Variants in RBBP8 observed in about 807,000 individuals in gnomAD.
RBBP8 encodes the protein RB binding protein 8, endonuclease.
A neutral mutation model predicts 108.3 loss-of-function variants in RBBP8; 88 were observed. The ratio of observed to expected loss-of-function variants is 0.81; its 90% CI spans 0.68 to 0.97. The LOEUF (loss-of-function observed/expected upper bound fraction) is 0.97, where lower values mean the gene tolerates loss of function less well. Among genes scored for constraint, RBBP8 ranks in the 50% least tolerant of loss-of-function variants. RBBP8 has a pLI of 0.00. For missense variants in RBBP8, 1,023 were observed against 1,049.0 expected (o/e 0.98, Z 0.34); for synonymous variants, 332 against 348.2 (o/e 0.95, Z 0.52).
At chr18:23,006,518 T>A in intron 16 of RBBP8, 86 bp downstream of exon 16, 1 of 1,191,148 alleles carries the variant, frequency 8.4e-7, no homozygotes, top group Non-Finnish European at 1.2e-6. Context: ...TCTTTTTTTT[T>A]AAAGACAGAG....
chr18:23,002,646 T>G (rs1206765448), intron 15 of RBBP8, among the ~76,000 whole-genome samples: 2 of 106,000 alleles, frequency 1.9e-5, no homozygotes, highest in African/African-American at 8.1e-5. Flanking sequence ...AATCTCTCAT[T>G]TTTCTCCTTG....
At chr18:22,953,958 C>T (rs561121163) in intron 4 of RBBP8, among the ~76,000 whole-genome samples, 18 of 152,052 alleles carry the variant, frequency 1.2e-4, no homozygotes, top group Admixed American at 5.9e-4. Context: ...GGGATAAGCC[C>T]CTTATAAAAC....
chr18:23,023,260 G>T (rs1255776408), intron 18 of RBBP8, among the ~76,000 whole-genome samples: 1 of 152,066 alleles, frequency 6.6e-6, no homozygotes, highest in Non-Finnish European at 1.5e-5. Flanking sequence ...TATTTAAAAA[G>T]AGAGAATCTT....
chr18:22,969,872 G>T (rs1220828649), intron 5 of RBBP8, among the ~76,000 whole-genome samples: 1 of 152,104 alleles, frequency 6.6e-6, no homozygotes, highest in African/African-American at 2.4e-5. Flanking sequence ...GTGTATATGG[G>T]TGAACGTGTG....
At chr18:22,968,985 A>G (rs1913864218) in intron 5 of RBBP8, 67 bp downstream of exon 5, 2 of 1,184,732 alleles carry the variant, frequency 1.7e-6, no homozygotes, top group Non-Finnish European at 2.4e-6. Context: ...CTATTAGTAA[A>G]TTGGTTGTAA....
At chr18:22,945,012 A>T (rs1911431808) in intron 2 of RBBP8, among the ~76,000 whole-genome samples, 1 of 152,232 alleles carries the variant, frequency 6.6e-6, no homozygotes, top group Non-Finnish European at 1.5e-5. Flanking sequence ...TTCTATACAC[A>T]TATATGAAAA....
chr18:22,936,790 T>C lies in RBBP8; in HGVS notation c.-62T>C. On this transcript the variant is annotated 5_prime_UTR_variant, in exon 2 of 19. Transcript: ENST00000327155. ...GTCCAAAGACGACTTGATACCTCTA[T>C]AATGTAACAGAAAAGGTCAGAAAAT... 5.6e-6 allele frequency: 9 copies of C among 1,599,640 alleles called. No individual in the cohort carries two copies. The highest frequency in any genetic ancestry group is 6.8e-6 in the Non-Finnish European group (8 of 1,168,086).
At chr18:22,971,901 T>A (rs1034920360) in intron 5 of RBBP8, among the ~76,000 whole-genome samples, 1 of 150,958 alleles carries the variant, frequency 6.6e-6, no homozygotes, top group Non-Finnish European at 1.5e-5. Context: ...CACCTCGGCC[T>A]CCCAAAGTGC....
intron 6 of RBBP8, among the ~76,000 whole-genome samples, chr18:22,981,130 C>A (rs1914900646): frequency 1.3e-5 from 2 of 151,740 alleles, no homozygotes; most frequent in Non-Finnish European, 2.9e-5. Flanking sequence ...GCCACCACAC[C>A]CAGCTAATTT....
chr18:22,921,133 G>T (rs1298552276), intron 3 of RBBP8, among the ~76,000 whole-genome samples: 1 of 152,166 alleles, frequency 6.6e-6, no homozygotes, highest in South Asian at 2.1e-4. Context: ...GTAAGAGCCT[G>T]AGACCTCTGG....
chr18:22,932,486 C>T (rs1910100466), upstream of RBBP8, among the ~76,000 whole-genome samples: 1 of 152,144 alleles, frequency 6.6e-6, no homozygotes, highest in Non-Finnish European at 1.5e-5. Context: ...TTATTCATCC[C>T]TTAAGATGTG....
upstream of RBBP8, among the ~76,000 whole-genome samples, chr18:22,929,940 A>T (rs1909960040): frequency 6.6e-6 from 1 of 152,134 alleles, no homozygotes; most frequent in Admixed American, 6.5e-5. Flanking sequence ...GAAGTTTGAA[A>T]CCATATGACT....
chr18:22,945,383 A>G (rs944205726), intron 2 of RBBP8, among the ~76,000 whole-genome samples: 8 of 151,600 alleles, frequency 5.3e-5, no homozygotes, highest in African/African-American at 1.2e-4. Context: ...GTTTTGTTTT[A>G]TTTTATTTTA....
chr18:22,956,810 AATG>A (rs1912596862), intron 4 of RBBP8, among the ~76,000 whole-genome samples: 1 of 152,158 alleles, frequency 6.6e-6, no homozygotes, highest in Non-Finnish European at 1.5e-5. Flanking sequence ...ATTTATGTTT[AATG>A]ATTATTATGT....
chr18:22,949,575 G>T, intron 3 of RBBP8, 43 bp from the exon 4 acceptor site: 1 of 1,347,284 alleles, frequency 7.4e-7, no homozygotes, highest in South Asian at 1.2e-5. Flanking sequence ...ATCCTGTTAA[G>T]AGTATTTTTA....
intron 3 of RBBP8, chr18:22,920,749 C>A (rs1909562156): frequency 6.6e-6 from 1 of 152,124 alleles, no homozygotes; most frequent in South Asian, 2.1e-4. Flanking sequence ...TAGTCCATGA[C>A]CATCTGACTC....
rs778024948 is a variant in RBBP8, at chr18:23,016,905, C to T, written c.2435C>T (p.Thr812Met). 3.0e-5 allele frequency: 48 copies of T among 1,612,802 alleles called. No homozygotes were observed. Among genetic ancestry groups the T allele is most frequent in the Admixed American group, 2.0e-4 (12 of 59,968 alleles). Residue 812 changes from threonine (T) to methionine (M), a missense_variant, in exon 17 of 19, where the codon ACG becomes ATG. Coordinates refer to ENST00000327155, the MANE Select transcript of RBBP8 (RefSeq NM_002894.3). ...KEERRKLLGH[T>M]CKECEIYYAD... ...GAGAGAAGAAAACTGCTTGGGCACA[C>T]GTGTAAGGAATGTGAAATTGTAAGT... is the stretch of plus-strand genomic sequence containing the variant.
chr18:22,982,194 C>T (rs754310666), intron 6 of RBBP8, 24 bp from the exon 7 acceptor site: 21 of 1,604,646 alleles, frequency 1.3e-5, no homozygotes, highest in Non-Finnish European at 1.8e-5. Context: ...AATTGATTTT[C>T]TTTCCATTGT....
chr18:22,980,964 T>C (rs1228030219), intron 6 of RBBP8, among the ~76,000 whole-genome samples: 1 of 92,414 alleles, frequency 1.1e-5, no homozygotes, highest in Non-Finnish European at 2.1e-5. Flanking sequence ...GCCACTTATG[T>C]CTTTTTTTTT....
Sources: gnomAD v4.1 joint callset for allele counts (sites outside exome capture counted in the v4.1 genomes callset) on GRCh38, gnomAD v4.1.1 for gene constraint, MANE v1.5 for transcripts, NCBI Gene and HGNC (gene_info 2026-07-23, HGNC 2026-07-21) for gene names.